The following RNPEP variants were observed in gnomAD, a reference collection of about 807,000 sequenced individuals.
RNPEP encodes arginyl aminopeptidase, also known as aminopeptidase B.
Under a neutral mutation model 70.1 loss-of-function variants are expected in RNPEP, and 57 were observed. The observed-to-expected ratio is 0.81, with a 90% CI of 0.66 to 1.01. RNPEP has a LOEUF of 1.01. RNPEP is among the 50% of genes least tolerant of loss of function. The pLI is 0.00. For missense variants in RNPEP, 787 were observed against 852.4 expected (o/e 0.92, Z 0.96); for synonymous variants, 335 against 357.4 (o/e 0.94, Z 0.71).
chr1:201,982,928 G>A lies in RNPEP; in HGVS notation c.262G>A (p.Val88Met). ...GCTGGACTCGCACCCGTGCCTGGAGGTGACGGCGGCGGCGCTGCGGCGGGA... is the reference window on the plus strand; with the variant it reads ...GCTGGACTCGCACCCGTGCCTGGAGATGACGGCGGCGGCGCTGCGGCGGGA... ...LRLDSHPCLE[V>M]TAAALRRERP... Residue 88 changes from valine (V) to methionine (M), a missense_variant, in exon 1 of 11, where the codon GTG becomes ATG. By Grantham distance (21) the Val-to-Met change is conservative. Coordinates refer to ENST00000295640, the MANE Select transcript of RNPEP (RefSeq NM_020216.4). The A allele has an allele frequency of 6.7e-7, 1 of 1,486,950 alleles. No homozygotes were observed. Among genetic ancestry groups the A allele is most frequent in the Non-Finnish European group, 8.9e-7 (1 of 1,121,896 alleles). The allele number at this position is 1,486,950 out of a possible 1,614,324, so 92.1% of individuals were successfully genotyped here. A position where few individuals can be genotyped will look rare whatever the true frequency, so the allele number is the denominator to read the frequency against.
chr1:201,983,339 C>A, intron 1 of RNPEP: 1 of 1,470,038 alleles, frequency 6.8e-7, no homozygotes, highest in South Asian at 1.4e-5. Context: ...AGCCACTGGG[C>A]GGTGCATCCT....
At chr1:201,997,712 A>C (rs1369118562) in intron 5 of RNPEP, among the ~76,000 whole-genome samples, 158 bp downstream of exon 5, 1 of 151,566 alleles carries the variant, frequency 6.6e-6, no homozygotes, top group Non-Finnish European at 1.5e-5. Context: ...TTGTCAAACC[A>C]CACATGGTTT....
chr1:202,002,072 C>T (rs569339194), intron 8 of RNPEP, among the ~76,000 whole-genome samples: 2 of 152,308 alleles, frequency 1.3e-5, no homozygotes, highest in East Asian at 3.9e-4. Flanking sequence ...AGCTAAAACT[C>T]ACAGGGCAGG....
chr1:201,987,976 A>G (rs537325387), intron 1 of RNPEP, among the ~76,000 whole-genome samples: 3 of 151,552 alleles, frequency 2.0e-5, no homozygotes, highest in Admixed American at 1.3e-4. Flanking sequence ...CCCCGTCTCT[A>G]CTAAAAATAC....
intron 10 of RNPEP, among the ~76,000 whole-genome samples, chr1:202,004,864 C>A (rs1683987623): frequency 6.6e-6 from 1 of 152,222 alleles, no homozygotes; most frequent in African/African-American, 2.4e-5. Context: ...TAGGTCCCTG[C>A]TGCCCTGTGA....
intron 1 of RNPEP, among the ~76,000 whole-genome samples, chr1:201,986,607 C>T (rs890430460): frequency 1.4e-5 from 2 of 140,666 alleles, no homozygotes; most frequent in African/African-American, 5.3e-5. Context: ...GTGGTGTGAT[C>T]TCGGCTCACT....
chr1:201,995,980 C>T (rs555153191), intron 3 of RNPEP, 167 bp from the exon 4 acceptor site: 34 of 595,378 alleles, frequency 5.7e-5, no homozygotes, highest in African/African-American at 3.0e-4. Context: ...GTGTGGTGAG[C>T]GGTCTCTTGG....
chr1:201,994,171 C>T (rs1407965757), intron 3 of RNPEP, among the ~76,000 whole-genome samples: 3 of 152,152 alleles, frequency 2.0e-5, no homozygotes, highest in Admixed American at 2.0e-4. Flanking sequence ...TGCCCAGCTC[C>T]TTGTGTGTCG....
At chr1:201,991,539 T>A (rs1353439483) in intron 3 of RNPEP, among the ~76,000 whole-genome samples, 1 of 152,194 alleles carries the variant, frequency 6.6e-6, no homozygotes, top group African/African-American at 2.4e-5. Flanking sequence ...CTTTTATGTA[T>A]AATCTCTTCT....
chr1:201,983,066 G>C lies in RNPEP; in HGVS notation c.400G>C (p.Glu134Gln). ...VSFPQPCRAA[E>Q]RLQVLLTYRV... The stretch of plus-strand genomic sequence containing the variant: ...CTTCCCGCAGCCCTGCCGCGCCGCC[G>C]AGCGCCTCCAGGTGCTGCTCACCTA... The change falls in exon 1 of 11, where the codon GAG becomes CAG. Residue 134 changes from glutamate (E) to glutamine (Q), a missense_variant. Transcript: ENST00000295640. 1 of 1,524,540 alleles carries C rather than the reference G, an allele frequency of 6.6e-7. No individual in the cohort carries two copies. Among genetic ancestry groups the C allele is most frequent in the Non-Finnish European group, 8.8e-7 (1 of 1,141,768 alleles). 94.4% of individuals were successfully genotyped at this position (1,524,540 alleles called of 1,614,324 possible).
chr1:201,983,355 C>A, intron 1 of RNPEP: 1 of 1,498,156 alleles, frequency 6.7e-7, no homozygotes, highest in Non-Finnish European at 8.9e-7. Flanking sequence ...ATCCTTCACC[C>A]TTTCCGTCCT....
At chr1:202,002,342 A>C (rs1382879032) in intron 8 of RNPEP, among the ~76,000 whole-genome samples, 1 of 151,912 alleles carries the variant, frequency 6.6e-6, no homozygotes, top group Non-Finnish European at 1.5e-5. Flanking sequence ...TTGTATTTTT[A>C]GTAGAGACGG....
intron 3 of RNPEP, 71 bp downstream of exon 3, chr1:201,989,602 C>A: frequency 9.0e-6 from 14 of 1,550,942 alleles, no homozygotes; most frequent in Non-Finnish European, 1.2e-5. Flanking sequence ...ACCAGTGGAC[C>A]TGCTGGGGGG....
chr1:201,995,095 G>A (rs1683498477), intron 3 of RNPEP, among the ~76,000 whole-genome samples: 1 of 85,616 alleles, frequency 1.2e-5, no homozygotes, highest in African/African-American at 3.1e-5. Context: ...CCATTAGACT[G>A]GATCTTCTTG....
intron 5 of RNPEP, among the ~76,000 whole-genome samples, 195 bp downstream of exon 5, chr1:201,997,749 A>G (rs1683614600): frequency 6.9e-6 from 1 of 143,916 alleles, no homozygotes; most frequent in African/African-American, 2.5e-5. Context: ...TTAAAAAAAC[A>G]TTTCCCCAGG....
chr1:201,982,800 C>T lies in RNPEP; in HGVS notation c.134C>T (p.Ala45Val), dbSNP rs12403726. 2 of 1,342,798 alleles carry T rather than the reference C, an allele frequency of 1.5e-6. No individual in the cohort carries two copies. The highest frequency in any genetic ancestry group is 9.6e-7 in the Non-Finnish European group (1 of 1,046,384). The allele number at this position is 1,342,798 out of a possible 1,614,324, so 83.2% of individuals were successfully genotyped here. ...ELLHLHLDLR[A>V]EFGPPGPGAG... Reference sequence around the variant, plus strand: ...CTGCACTTGCACCTGGACCTGCGGGCTGAGTTCGGGCCTCCAGGGCCCGGC... The same window carrying T: ...CTGCACTTGCACCTGGACCTGCGGGTTGAGTTCGGGCCTCCAGGGCCCGGC... The change falls in exon 1 of 11, where the codon GCT (alanine) becomes GTT (valine). Residue 45 changes from alanine (A) to valine (V), a missense_variant. By Grantham distance (64) the Ala-to-Val change is moderately conservative. Coordinates refer to ENST00000295640, the MANE Select transcript of RNPEP (RefSeq NM_020216.4).
At chr1:201,984,803 T>A in intron 1 of RNPEP, among the ~76,000 whole-genome samples, 1 of 150,816 alleles carries the variant, frequency 6.6e-6, no homozygotes, top group Admixed American at 6.6e-5. Context: ...CTCTTACTGC[T>A]AACTTTTGTA....
At chr1:201,998,229 ACTTTTTT>A (rs1683640333) in intron 5 of RNPEP, among the ~76,000 whole-genome samples, 1 of 99,654 alleles carries the variant, frequency 1.0e-5, no homozygotes, top group African/African-American at 3.8e-5. Context: ...CTGGGTCTGA[ACTTTTTT>A]TTTTTTTTTT....
Position 202,005,976 on chromosome 1 carries a change from T to C in RNPEP, c.*260T>C. The C allele has an allele frequency of 2.2e-6, 1 of 456,488 alleles. No individual in the cohort carries two copies. The highest frequency in any genetic ancestry group is 4.0e-6 in the Non-Finnish European group (1 of 252,156). 28.3% of individuals were successfully genotyped at this position (456,488 alleles called of 1,614,324 possible). Reference sequence around the variant, plus strand: ...GCTGCAGGCACTGCAGGGCAGCGGGTATTCTCCTCCCCACCTAAGTCTCTG... The same window carrying C: ...GCTGCAGGCACTGCAGGGCAGCGGGCATTCTCCTCCCCACCTAAGTCTCTG... On this transcript the variant is annotated 3_prime_UTR_variant, in exon 11 of 11. Transcript: ENST00000295640.
Sources: gnomAD v4.1 joint callset for allele counts (sites outside exome capture counted in the v4.1 genomes callset) on GRCh38, gnomAD v4.1.1 for gene constraint, MANE v1.5 for transcripts, NCBI Gene and HGNC (gene_info 2026-07-23, HGNC 2026-07-21) for gene names.